The following HHAT variants were observed in gnomAD, a reference collection of about 807,000 sequenced individuals.
The protein encoded by HHAT is hedgehog acyltransferase.
In HHAT, 47 loss-of-function variants were observed where a neutral mutation model predicts 70.8. The observed-to-expected ratio is 0.66, with a 90% CI of 0.53 to 0.85. The LOEUF (loss-of-function observed/expected upper bound fraction) is 0.85, where lower values mean the gene tolerates loss of function less well. Among genes scored for constraint, HHAT ranks in the 40% least tolerant of loss-of-function variants. The pLI is 0.00. For synonymous variants in HHAT, 228 were observed against 247.6 expected (o/e 0.92, Z 0.74); for missense variants, 609 against 604.8 (o/e 1.01, Z -0.07).
chr1:210,626,272 T>C (rs897080949), intron 11 of HHAT, among the ~76,000 whole-genome samples: 5 of 152,178 alleles, frequency 3.3e-5, no homozygotes, highest in African/African-American at 1.2e-4. Context: ...CTCAGTCACA[T>C]GGGATTGGGC....
chr1:210,380,076 A>G (rs967655316), intron 3 of HHAT, among the ~76,000 whole-genome samples: 1 of 152,224 alleles, frequency 6.6e-6, no homozygotes, highest in Non-Finnish European at 1.5e-5. Flanking sequence ...TGCTGATACC[A>G]GGTTCCTAAA....
chr1:210,385,252 C>CTTTTT (rs55887436), intron 3 of HHAT, among the ~76,000 whole-genome samples: 1 of 138,896 alleles, frequency 7.2e-6, no homozygotes, highest in Non-Finnish European at 1.5e-5. Flanking sequence ...ATATGTTTTT[C>CTTTTT]TTTTTTTTTT....
chr1:210,460,597 C>G (rs2093959629), intron 7 of HHAT, among the ~76,000 whole-genome samples: 2 of 152,130 alleles, frequency 1.3e-5, no homozygotes, highest in South Asian at 4.1e-4. Flanking sequence ...TCTATAAGGG[C>G]TGTTAGCATG....
chr1:210,382,113 G>T (rs1010945401), intron 3 of HHAT, among the ~76,000 whole-genome samples: 11 of 152,196 alleles, frequency 7.2e-5, no homozygotes, highest in African/African-American at 2.7e-4. Flanking sequence ...AGGGCGATGA[G>T]AATTCAAGGC....
intron 5 of HHAT, among the ~76,000 whole-genome samples, chr1:210,401,544 C>T (rs559462644): frequency 5.9e-5 from 9 of 152,252 alleles, no homozygotes; most frequent in Non-Finnish European, 1.0e-4. Flanking sequence ...GGCATTTTGA[C>T]AGACTCAACC....
rs764850619 is a variant in HHAT, at chr1:210,348,948, G to T, written c.-28G>T. On this transcript the variant is annotated 5_prime_UTR_variant, in exon 2 of 12. Coordinates refer to ENST00000261458, the MANE Select transcript of HHAT (RefSeq NM_018194.6). ...TGTTTCTCAGAAACTCTCAGCGTAG[G>T]CATCGGGAACCTTCGTGCCAAGGAG... The T allele has an allele frequency of 6.2e-7, 1 of 1,611,160 alleles. No individual in the cohort carries two copies. Among genetic ancestry groups the T allele is most frequent in the South Asian group, 1.1e-5 (1 of 90,354 alleles).
intron 8 of HHAT, among the ~76,000 whole-genome samples, chr1:210,473,135 C>T (rs1283641937): frequency 5.9e-5 from 9 of 152,180 alleles, no homozygotes; most frequent in East Asian, 1.9e-4. Context: ...GACAGCTTTG[C>T]AGGGTCATTT....
intron 8 of HHAT, among the ~76,000 whole-genome samples, chr1:210,484,297 C>T (rs1408637227): frequency 2.0e-5 from 3 of 152,010 alleles, no homozygotes; most frequent in African/African-American, 7.2e-5. Context: ...TAATAGAACA[C>T]TCATAATTTT....
chr1:210,642,439 T>A (rs1282089640), intron 11 of HHAT, among the ~76,000 whole-genome samples: 1 of 152,220 alleles, frequency 6.6e-6, no homozygotes, highest in Non-Finnish European at 1.5e-5. Context: ...TGGCCAGTTT[T>A]CCAGTGGGGT....
chr1:210,416,021 C>A (rs558874151), intron 6 of HHAT, among the ~76,000 whole-genome samples: 94 of 152,152 alleles, frequency 6.2e-4, no homozygotes, highest in Admixed American at 5.7e-3. Context: ...AAGCAGATGG[C>A]AAAAGGGAGA....
chr1:210,340,242 GAAAAAAAAAAAAAAA>G (rs57007952), intron 1 of HHAT, among the ~76,000 whole-genome samples: 1 of 99,784 alleles, frequency 1.0e-5, no homozygotes. Context: ...CTCTGTCTCA[GAAAAAAAAAAAAAAA>G]AAAAAAAAAA....
chr1:210,661,135 A>G (rs1232915098), intron 11 of HHAT, among the ~76,000 whole-genome samples: 13 of 152,240 alleles, frequency 8.5e-5, no homozygotes, highest in Non-Finnish European at 1.0e-4. Context: ...CAGGCAACCT[A>G]CAGAATGGGA....
chr1:210,464,498 C>T lies in HHAT; in HGVS notation c.857-7C>T, dbSNP rs777334639. On this transcript the variant is annotated splice_region_variant and splice_polypyrimidine_tract_variant and intron_variant, in intron 7 of 11. Transcript: ENST00000261458. The stretch of plus-strand genomic sequence containing the variant: ...CCATGTGTCTGACTGGTCTGTTTGC[C>T]TTTCAGGAGGACTGGCGTTAGCCCA... 29 of 1,614,156 alleles carry T rather than the reference C, an allele frequency of 1.8e-5. No individual in the cohort carries two copies. In the South Asian group the frequency reaches 3.2e-4, roughly 18 times the overall value.
intron 1 of HHAT, among the ~76,000 whole-genome samples, chr1:210,341,242 T>C (rs1010081059): frequency 6.6e-6 from 1 of 152,222 alleles, no homozygotes; most frequent in African/African-American, 2.4e-5. Context: ...TAAAGTTCTC[T>C]GGTGCATGTG....
At chr1:210,481,680 C>T (rs1442117474) in intron 8 of HHAT, among the ~76,000 whole-genome samples, 3 of 152,184 alleles carry the variant, frequency 2.0e-5, no homozygotes, top group Non-Finnish European at 2.9e-5. Flanking sequence ...TATTTTGCTG[C>T]ACAGAACTTG....
chr1:210,670,388 G>A (rs746940062), intron 11 of HHAT, among the ~76,000 whole-genome samples: 2 of 152,212 alleles, frequency 1.3e-5, no homozygotes, highest in Non-Finnish European at 2.9e-5. Flanking sequence ...GTGCTGAAGG[G>A]TGACATGTAG....
chr1:210,549,080 C>G (rs2095507033), intron 9 of HHAT, among the ~76,000 whole-genome samples: 1 of 152,208 alleles, frequency 6.6e-6, no homozygotes, highest in South Asian at 2.1e-4. Context: ...GGGCAAGTTG[C>G]CTAATCTCTC....
intron 10 of HHAT, chr1:210,590,156 T>C (rs1661335557): frequency 2.0e-5 from 3 of 152,196 alleles, no homozygotes; most frequent in African/African-American, 7.2e-5. Context: ...TATTTAGTTC[T>C]TCCTCCACTT....
intron 8 of HHAT, among the ~76,000 whole-genome samples, chr1:210,499,012 C>T (rs1026826381): frequency 1.1e-4 from 16 of 152,278 alleles, no homozygotes; most frequent in African/African-American, 3.9e-4. Context: ...TCATGATCTG[C>T]CCGCCTCAGC....
Sources: allele counts gnomAD v4.1 joint callset (sites outside exome capture counted in the v4.1 genomes callset), GRCh38; gene constraint gnomAD v4.1.1; transcripts MANE v1.5; gene names NCBI Gene and HGNC (gene_info 2026-07-23, HGNC 2026-07-21).